Variants in BEAN1 observed in about 807,000 individuals in gnomAD.
The protein encoded by BEAN1 is brain expressed associated with NEDD4 1, also known as protein BEAN1.
In BEAN1, 17 loss-of-function variants were observed where a neutral mutation model predicts 17.7. The ratio of observed to expected loss-of-function variants is 0.96; its 90% confidence interval spans 0.66 to 1.44. The LOEUF is 1.44. Among genes scored for constraint, BEAN1 ranks in the 40% most tolerant of loss-of-function variants. BEAN1 has a pLI of 0.00. For synonymous variants in BEAN1, 142 were observed against 151.8 expected (o/e 0.94, Z 0.47); for missense variants, 359 against 374.1 (o/e 0.96, Z 0.33).
chr16:66,478,398 C>T (rs1176794047), intron 4 of BEAN1, among the ~76,000 whole-genome samples: 1 of 151,576 alleles, frequency 6.6e-6, no homozygotes. Flanking sequence ...GTCAGGAGAT[C>T]GAGACCATCC....
rs551176359 is a variant in BEAN1 at position 66,480,687 on chromosome 16, C to A, written c.542C>A (p.Thr181Asn). The change falls in exon 5 of 5, where the codon ACC (threonine) becomes AAC (asparagine). Residue 181 changes from threonine to asparagine, a missense_variant. Coordinates refer to ENST00000536005, the MANE Select transcript of BEAN1 (RefSeq NM_001178020.3). ...GATTCCTGCCCCACGCTGGATGGCA[C>A]CTCCGACTCAGGCAGCGGCCACAGC... ...LTDSCPTLDG[T>N]SDSGSGHSPG... The A allele has an allele frequency of 6.4e-7, 1 of 1,551,672 alleles. No homozygotes were observed. Among genetic ancestry groups the A allele is most frequent in the South Asian group, 1.2e-5 (1 of 84,064 alleles).
intron 3 of BEAN1, chr16:66,470,153 TG>T: frequency 1.9e-6 from 1 of 519,224 alleles, no homozygotes; most frequent in Non-Finnish European, 3.4e-6. Context: ...CACCAAGGGC[TG>T]GTCCATCTGG....
chr16:66,480,901 C>T lies in BEAN1; in HGVS notation c.756C>T (p.Ala252=), dbSNP rs1369790737. Residue 252 remains alanine (A), a synonymous_variant, in exon 5 of 5, where the codon GCC becomes GCT. Coordinates refer to ENST00000536005, the MANE Select transcript of BEAN1 (RefSeq NM_001178020.3). ...CACCCACCCCAACCCGGGCCCCAGC[C>T]TCTGGCCCAGAGAGGATTGTGTGAG... The part of the protein sequence containing the change: ...QGSPTPTRAP[A]SGPERIV The T allele has an allele frequency of 6.8e-7, 1 of 1,463,480 alleles. No homozygotes were observed. The highest frequency in any genetic ancestry group is 1.4e-5 in the African/African-American group (1 of 70,550). The allele number at this position is 1,463,480 out of a possible 1,614,324, so 90.7% of individuals were successfully genotyped here.
rs575264337 is a variant in BEAN1 at position 66,481,093 on chromosome 16, A to G, written c.*168A>G. The stretch of plus-strand genomic sequence containing the variant: ...ACACTGACATACCCCATGTACACAC[A>G]CAGATCTAGACGTGCTCCACATATG... On this transcript the variant is annotated 3_prime_UTR_variant, in exon 5 of 5. Coordinates refer to ENST00000536005, the MANE Select transcript of BEAN1 (RefSeq NM_001178020.3). This position sits in a 1 kb window ranked among gnomAD's most constrained non-coding sequence, Gnocchi z 4.1. 4 of 570,694 alleles carry G rather than the reference A, an allele frequency of 7.0e-6. No individual in the cohort carries two copies. Among genetic ancestry groups the G allele is most frequent in the African/African-American group, 5.7e-5 (3 of 53,008 alleles). 35.4% of individuals were successfully genotyped at this position (570,694 alleles called of 1,614,324 possible).
In BEAN1 at chr16:66,471,124, G is replaced by A. The variant is rs751427092; in HGVS notation, c.289+1259G>A. Among the ~76,000 whole-genome samples the A allele has an allele frequency of 9.9e-5, 15 of 152,236 alleles. No homozygotes were observed. The highest frequency in any genetic ancestry group is 2.1e-4 in the Non-Finnish European group (14 of 68,042). On this transcript the variant is annotated intron_variant, in intron 3 of 4. Transcript: ENST00000536005. This position sits in a 1 kb window ranked among gnomAD's most constrained non-coding sequence, Gnocchi z 4.7. ...TTTTAAAATAGATTGAATTGGATCC[G>A]ATCAGCCCTGGCCTTTGGGGCCCCT...
At chr16:66,462,458 C>T (rs189224979) in intron 2 of BEAN1, among the ~76,000 whole-genome samples, 1 of 152,184 alleles carries the variant, frequency 6.6e-6, no homozygotes, top group African/African-American at 2.4e-5. Context: ...TAATGAGCAC[C>T]TATTATGTGC....
At chr16:66,431,870 G>A (rs893799340) in intron 1 of BEAN1, among the ~76,000 whole-genome samples, 9 of 151,792 alleles carry the variant, frequency 5.9e-5, no homozygotes, top group African/African-American at 1.7e-4. Flanking sequence ...GCAGTGACAC[G>A]ATCTCGGCTC....
intron 4 of BEAN1, chr16:66,479,195 TCCTGAGGCCATAG>T (rs1219031208): frequency 1.3e-5 from 2 of 152,150 alleles, no homozygotes; most frequent in East Asian, 3.9e-4. Context: ...AGCCCTTGGT[TCCTGAGGCCATAG>T]CCTGAGGACA....
At chr16:66,430,832 A>G (rs1189722663) in intron 1 of BEAN1, among the ~76,000 whole-genome samples, 2 of 152,220 alleles carry the variant, frequency 1.3e-5, no homozygotes, top group African/African-American at 4.8e-5. Context: ...TGTTCACTAT[A>G]TCCTCAGAGC....
At chr16:66,479,361 C>T (rs1349645377) in intron 4 of BEAN1, among the ~76,000 whole-genome samples, 1 of 152,092 alleles carries the variant, frequency 6.6e-6, no homozygotes, top group Non-Finnish European at 1.5e-5. Flanking sequence ...TGAGTCAGAG[C>T]AGAGGGTTGG....
Position 66,471,857 on chromosome 16 carries a change from A to G in BEAN1, c.289+1992A>G, listed in dbSNP as rs1963495574. Among the ~76,000 whole-genome samples, 1 of 152,112 alleles carries G rather than the reference A, an allele frequency of 6.6e-6. No homozygotes were observed. Among genetic ancestry groups the G allele is most frequent in the South Asian group, 2.1e-4 (1 of 4,826 alleles). On this transcript the variant is annotated intron_variant, in intron 3 of 4. Coordinates refer to ENST00000536005, the MANE Select transcript of BEAN1 (RefSeq NM_001178020.3). The surrounding 1 kb of genome is among the most constrained non-coding windows in gnomAD (Gnocchi z 4.7). ...GGCCTGTCCCACCCCTGCATCACCAACCTGAGGCTGCAGAGTCCAGGGCTC... is the reference window on the plus strand; with the variant it reads ...GGCCTGTCCCACCCCTGCATCACCAGCCTGAGGCTGCAGAGTCCAGGGCTC...
In BEAN1 at chr16:66,480,601, G is replaced by A; in HGVS notation, c.456G>A (p.Val152=). 1 of 1,540,880 alleles carries A rather than the reference G, an allele frequency of 6.5e-7. No homozygotes were observed. Among genetic ancestry groups the A allele is most frequent in the Non-Finnish European group, 8.8e-7 (1 of 1,138,852 alleles). The change falls in exon 5 of 5, where the codon GTG becomes GTA. Residue 152 remains valine (V), a synonymous_variant. Coordinates refer to ENST00000536005, the MANE Select transcript of BEAN1 (RefSeq NM_001178020.3). ...TCTCTCGTAGCTACGAGGAGTGTGT[G>A]GGGCCAGGGGCCACTCAGCTGTATG... ...PDSPPGYEEC[V]GPGATQLYVP... is the part of the protein sequence containing the mutation.
At chr16:66,483,200 G>T, downstream of BEAN1, 1 of 223,946 alleles carries the variant, frequency 4.5e-6, no homozygotes, top group South Asian at 5.0e-5. Context: ...CCTCCGGCTA[G>T]CAATCTCTAC....
rs561610990 is a variant in BEAN1, at chr16:66,434,564, G to A, written c.-82-3031G>A. ...CCATGTGTTTTCCAAGGGTTTTGTGGGACACCGCGTAGGTGCTTGGGAAAT... is the reference window on the plus strand; with the variant it reads ...CCATGTGTTTTCCAAGGGTTTTGTGAGACACCGCGTAGGTGCTTGGGAAAT... On this transcript the variant is annotated intron_variant, in intron 1 of 4. Transcript: ENST00000536005. The surrounding 1 kb of genome is among the most constrained non-coding windows in gnomAD (Gnocchi z 4.3). Among the ~76,000 whole-genome samples, 5 of 152,272 alleles carry A rather than the reference G, an allele frequency of 3.3e-5. No homozygotes were observed. The East Asian group carries it at 9.7e-4, about 29-fold the overall frequency.
At chr16:66,480,476 C>A in intron 4 of BEAN1, 110 bp from the exon 5 acceptor site, 1 of 889,842 alleles carries the variant, frequency 1.1e-6, no homozygotes, top group Non-Finnish European at 1.7e-6. Flanking sequence ...CAAGGCCCAC[C>A]CTGGTCCACA....
intron 2 of BEAN1, among the ~76,000 whole-genome samples, chr16:66,448,572 A>G (rs1962544567): frequency 6.6e-6 from 1 of 152,230 alleles, no homozygotes; most frequent in Non-Finnish European, 1.5e-5. Context: ...CTGTAATCCC[A>G]GCACTTTGGG....
intron 2 of BEAN1, among the ~76,000 whole-genome samples, chr16:66,446,947 G>T (rs569964203): frequency 1.3e-5 from 2 of 152,318 alleles, no homozygotes; most frequent in East Asian, 3.9e-4. Context: ...CACTGCAGAA[G>T]CATGCAGCCT....
downstream of BEAN1, chr16:66,484,357 G>A: frequency 2.9e-6 from 1 of 345,238 alleles, no homozygotes; most frequent in South Asian, 2.3e-5. This position sits in a 1 kb window ranked among gnomAD's most constrained non-coding sequence, Gnocchi z 4.2. Context: ...CCACCACAAA[G>A]ACTTAGGATC....
At chr16:66,488,202 T>C (rs1380584642) in intron 4 of BEAN1, among the ~76,000 whole-genome samples, 2 of 133,420 alleles carry the variant, frequency 1.5e-5, no homozygotes, top group Admixed American at 8.2e-5. Context: ...CCAAAAGCAA[T>C]AGAAGAATCA....
Sources: gnomAD v4.1 joint callset for allele counts (sites outside exome capture counted in the v4.1 genomes callset) on GRCh38, gnomAD v4.1.1 for gene constraint, Gnocchi (gnomAD v3.1) non-coding constraint, MANE v1.5 for transcripts, NCBI Gene and HGNC (gene_info 2026-07-23, HGNC 2026-07-21) for gene names.